Variants in ODAD2 observed in about 807,000 individuals in gnomAD.
ODAD2 encodes outer dynein arm docking complex subunit 2.
A neutral mutation model predicts 106.8 loss-of-function variants in ODAD2; 89 were observed. The observed-to-expected ratio is 0.83, with a 90% CI of 0.70 to 0.99. ODAD2 has a LOEUF of 0.99. ODAD2 is among the 50% of genes least tolerant of loss of function. The probability of loss-of-function intolerance (pLI) is 0.00; values close to 1 mark genes in which losing one functional copy is unlikely to be tolerated. For missense variants in ODAD2, 1,168 were observed against 1,238.5 expected (o/e 0.94, Z 0.85); for synonymous variants, 404 against 436.2 (o/e 0.93, Z 0.92).
In ODAD2 at chr10:27,915,267, T is replaced by C. The variant is rs137949016; in HGVS notation, c.2496-7490A>G. Among the ~76,000 whole-genome samples the C allele has an allele frequency of 1.2e-4, 18 of 152,268 alleles. No individual in the cohort carries two copies. The East Asian group carries it at 1.3e-3, about 11-fold the overall frequency. On this transcript the variant is annotated intron_variant, in intron 16 of 19. Transcript: ENST00000305242. Reference sequence around the variant, plus strand: ...CAGGCTGCAATAACAGAATGCCATATGCTGGGTGGCTTGTAAACAACACAC... The same window carrying C: ...CAGGCTGCAATAACAGAATGCCATACGCTGGGTGGCTTGTAAACAACACAC...
intron 19 of ODAD2, among the ~76,000 whole-genome samples, chr10:27,821,649 G>A (rs1836619825): frequency 6.6e-6 from 1 of 152,194 alleles, no homozygotes; most frequent in Admixed American, 6.5e-5. Flanking sequence ...ACGGAGCAAG[G>A]TGAGGGCAGT....
chr10:27,958,996 C>G (rs538772147), intron 10 of ODAD2: 1 of 1,302,948 alleles, frequency 7.7e-7, no homozygotes, highest in South Asian at 1.2e-5. Flanking sequence ...GATAATGGAC[C>G]GGGACTCTTG....
rs60249097 is a variant in ODAD2, at chr10:27,998,595, G to A, written c.-39+399C>T. On this transcript the variant is annotated intron_variant, in intron 1 of 19. Transcript: ENST00000305242. Reference sequence around the variant, plus strand: ...TGAGGAGCAGACGGTCCCCAACCTAGGGCCGAGGCAGGGTCTCGCGGGGAG... The same window carrying A: ...TGAGGAGCAGACGGTCCCCAACCTAAGGCCGAGGCAGGGTCTCGCGGGGAG... 4.6e-3 allele frequency among the ~76,000 whole-genome samples: 701 copies of A among 151,986 alleles called. 4 individuals carry two copies. Among genetic ancestry groups the A allele is most frequent in the African/African-American group, 0.016 (672 of 41,440 alleles).
intron 16 of ODAD2, among the ~76,000 whole-genome samples, chr10:27,931,152 G>A (rs1845591303): frequency 6.6e-6 from 1 of 152,128 alleles, no homozygotes; most frequent in Non-Finnish European, 1.5e-5. Context: ...AAGAAAGGTT[G>A]ACTATGCTTC....
chr10:27,913,579 A>T (rs1015980274), intron 16 of ODAD2, among the ~76,000 whole-genome samples: 3 of 152,162 alleles, frequency 2.0e-5, no homozygotes, highest in African/African-American at 7.2e-5. Context: ...ATATATGCAA[A>T]CTATGCATCT....
At chr10:27,917,391 A>G (rs1844472942) in intron 16 of ODAD2, among the ~76,000 whole-genome samples, 1 of 152,136 alleles carries the variant, frequency 6.6e-6, no homozygotes. Flanking sequence ...AGAAAAATGT[A>G]TACCTTTAAA....
chr10:27,812,838 T>C (rs1457029532), intron 19 of ODAD2, among the ~76,000 whole-genome samples: 1 of 152,224 alleles, frequency 6.6e-6, no homozygotes, highest in East Asian at 1.9e-4. Flanking sequence ...GGAGCTGAAT[T>C]AGACTCCTTC....
At chr10:27,996,179 T>C (rs930242729) in intron 1 of ODAD2, among the ~76,000 whole-genome samples, 1 of 152,236 alleles carries the variant, frequency 6.6e-6, no homozygotes, top group Admixed American at 6.5e-5. Context: ...CTCTTTTGTA[T>C]AGCACTTATT....
At chr10:27,902,027 T>C (rs1843243232) in intron 17 of ODAD2, among the ~76,000 whole-genome samples, 1 of 152,070 alleles carries the variant, frequency 6.6e-6, no homozygotes, top group Admixed American at 6.6e-5. Context: ...CACATCACAC[T>C]TATTCTAAAA....
rs528447089 is a variant in ODAD2, at chr10:27,815,964, A to T, written c.3022-3339T>A. Among the ~76,000 whole-genome samples, 15 of 152,290 alleles carry T rather than the reference A, an allele frequency of 9.8e-5. No individual in the cohort carries two copies. In the South Asian group the frequency reaches 1.2e-3, roughly 13 times the overall value. On this transcript the variant is annotated intron_variant, in intron 19 of 19. Transcript: ENST00000305242. ...TTTTTATTTTTTCTATATAAACATGAATCTCTTTCCAAGTATTTTCCTGTA... is the reference window on the plus strand; with the variant it reads ...TTTTTATTTTTTCTATATAAACATGTATCTCTTTCCAAGTATTTTCCTGTA...
At chr10:27,969,775 T>C (rs1293750601) in intron 8 of ODAD2, among the ~76,000 whole-genome samples, 12 of 152,118 alleles carry the variant, frequency 7.9e-5, no homozygotes, top group Admixed American at 1.3e-4. Context: ...ACATAGAATA[T>C]CACCTACAGG....
intron 16 of ODAD2, among the ~76,000 whole-genome samples, chr10:27,932,021 A>T (rs1267108420): frequency 1.3e-5 from 2 of 151,998 alleles, no homozygotes; most frequent in Non-Finnish European, 2.9e-5. Flanking sequence ...TGCAGCCTCA[A>T]ACTCATGGGC....
intron 19 of ODAD2, among the ~76,000 whole-genome samples, chr10:27,822,977 T>C (rs867707540): frequency 1.8e-4 from 28 of 152,176 alleles, no homozygotes; most frequent in African/African-American, 6.5e-4. Flanking sequence ...ATTGGGTCTA[T>C]AGTATTGGGA....
chr10:27,915,218 A>C (rs1347525564), intron 16 of ODAD2, among the ~76,000 whole-genome samples: 1 of 152,156 alleles, frequency 6.6e-6, no homozygotes, highest in South Asian at 2.1e-4. Context: ...CCAAAGAAAA[A>C]AAATGCATAC....
At chr10:27,977,051 A>G (rs966211754) in intron 7 of ODAD2, among the ~76,000 whole-genome samples, 1 of 152,194 alleles carries the variant, frequency 6.6e-6, no homozygotes, top group Non-Finnish European at 1.5e-5. Flanking sequence ...GAAAAAAATG[A>G]ACTTTGATCC....
chr10:27,947,535 AAAAG>A (rs1188326868), intron 10 of ODAD2, among the ~76,000 whole-genome samples: 2 of 152,162 alleles, frequency 1.3e-5, no homozygotes, highest in African/African-American at 4.8e-5. Flanking sequence ...ATCATGCACA[AAAAG>A]AAAGAACAAA....
At chr10:27,982,976 T>C (rs1189891919) in intron 6 of ODAD2, among the ~76,000 whole-genome samples, 1 of 152,210 alleles carries the variant, frequency 6.6e-6, no homozygotes, top group Non-Finnish European at 1.5e-5. Context: ...GCTAGGTTAT[T>C]AGGCTCCGTC....
rs913836168 is a variant in ODAD2, at chr10:27,852,170, A to G, written c.3021+8455T>C. ...TCATAAACAGAACTGTACTACCAGG[A>G]AAGTTAAAAGTCTTCTAGGCAGAAG... On this transcript the variant is annotated intron_variant, in intron 19 of 19. Coordinates refer to ENST00000305242, the MANE Select transcript of ODAD2 (RefSeq NM_018076.5). Among the ~76,000 whole-genome samples, 6 of 152,360 alleles carry G rather than the reference A, an allele frequency of 3.9e-5. No homozygotes were observed. In the East Asian group the frequency reaches 1.2e-3, roughly 29 times the overall value.
intron 19 of ODAD2, among the ~76,000 whole-genome samples, chr10:27,830,740 C>A (rs1272772028): frequency 2.0e-5 from 3 of 152,070 alleles, no homozygotes; most frequent in Non-Finnish European, 4.4e-5. Context: ...CAGGACCAAC[C>A]CAGAGTTCCT....
Sources: allele counts gnomAD v4.1 joint callset (sites outside exome capture counted in the v4.1 genomes callset), GRCh38; gene constraint gnomAD v4.1.1; transcripts MANE v1.5; gene names NCBI Gene and HGNC (gene_info 2026-07-23, HGNC 2026-07-21).